Variants in KIAA1328 observed in about 807,000 individuals in gnomAD.
KIAA1328 encodes KIAA1328.
A neutral mutation model predicts 68.1 loss-of-function variants in KIAA1328; 52 were observed. The observed-to-expected ratio is 0.76, with a 90% CI of 0.61 to 0.96. The LOEUF (loss-of-function observed/expected upper bound fraction) is 0.96, where lower values mean the gene tolerates loss of function less well. Among genes scored for constraint, KIAA1328 ranks in the 40% least tolerant of loss-of-function variants. The pLI, the probability that KIAA1328 is intolerant of heterozygous loss-of-function variation, is 0.00. For synonymous variants in KIAA1328, 232 were observed against 239.4 expected, an observed-to-expected ratio of 0.97 and a Z score of 0.28; for missense variants, 641 against 677.6, an observed-to-expected ratio of 0.95 and a Z score of 0.60.
Position 36,829,207 on chromosome 18 carries a change from C to T in KIAA1328, c.58+11C>T. 1.3e-6 allele frequency: 2 copies of T among 1,515,542 alleles called. No homozygotes were observed. Among genetic ancestry groups the T allele is most frequent in the Non-Finnish European group, 8.8e-7 (1 of 1,133,770 alleles). 93.9% of individuals were successfully genotyped at this position (1,515,542 alleles called of 1,614,324 possible). A position where few individuals can be genotyped will look rare whatever the true frequency, so the allele number is the denominator to read the frequency against. ...TCTGGAGCCGGGACTGTATCCTTTG[C>T]CCGCCTGACAGGGGGCGCCGGCGCC... On this transcript the variant is annotated intron_variant, in intron 1 of 9. Transcript: ENST00000280020.
intron 5 of KIAA1328, among the ~76,000 whole-genome samples, chr18:36,915,284 A>G (rs2049643687): frequency 6.6e-6 from 1 of 152,178 alleles, no homozygotes; most frequent in Admixed American, 6.5e-5. Context: ...TGGCTTATGG[A>G]ATATTTTCTG....
chr18:37,073,957 T>G (rs553916624), intron 7 of KIAA1328, among the ~76,000 whole-genome samples: 8 of 152,340 alleles, frequency 5.3e-5, no homozygotes, highest in African/African-American at 1.9e-4. Context: ...CTGGACATTT[T>G]CAGTTTATGG....
At chr18:37,036,346 A>T (rs1194751370) in intron 6 of KIAA1328, among the ~76,000 whole-genome samples, 1 of 152,230 alleles carries the variant, frequency 6.6e-6, no homozygotes, top group South Asian at 2.1e-4. Flanking sequence ...AGACTGGACT[A>T]AGGTTTCATT....
At chr18:36,989,075 A>G (rs1213387362) in intron 6 of KIAA1328, among the ~76,000 whole-genome samples, 1 of 152,170 alleles carries the variant, frequency 6.6e-6, no homozygotes, top group Non-Finnish European at 1.5e-5. Flanking sequence ...AAAACCGAGA[A>G]TATTGCCTAT....
intron 3 of KIAA1328, among the ~76,000 whole-genome samples, chr18:36,839,150 A>G (rs2046777234): frequency 6.6e-6 from 1 of 152,152 alleles, no homozygotes; most frequent in East Asian, 1.9e-4. Context: ...TTCTCCAGAT[A>G]TTTTTGTTTC....
intron 6 of KIAA1328, among the ~76,000 whole-genome samples, chr18:37,021,130 T>C (rs1264550098): frequency 6.6e-6 from 1 of 152,196 alleles, no homozygotes; most frequent in East Asian, 1.9e-4. Flanking sequence ...TCATCTTCAT[T>C]ACAAGCTTCA....
At chr18:37,200,538 G>A (rs1032194230) in intron 9 of KIAA1328, among the ~76,000 whole-genome samples, 2 of 152,262 alleles carry the variant, frequency 1.3e-5, no homozygotes, top group African/African-American at 2.4e-5. Context: ...TCGGCCGGGC[G>A]CGGTGGCTCA....
intron 6 of KIAA1328, among the ~76,000 whole-genome samples, chr18:37,003,821 C>T (rs903938877): frequency 2.6e-5 from 4 of 152,054 alleles, no homozygotes; most frequent in African/African-American, 9.7e-5. Flanking sequence ...CCAATTATCC[C>T]AGCACCATTA....
At chr18:36,876,870 G>A (rs56360477) in intron 4 of KIAA1328, among the ~76,000 whole-genome samples, 20,736 of 151,968 alleles carry the variant, frequency 0.14, 1,758 homozygotes, top group Admixed American at 0.18. Flanking sequence ...ATTCTGGTAC[G>A]TTGTGTCATT....
chr18:37,013,837 T>A (rs2629966), intron 6 of KIAA1328, among the ~76,000 whole-genome samples: 90,652 of 152,072 alleles, frequency 0.6, 28,876 homozygotes, highest in East Asian at 0.87. Flanking sequence ...GTAGAATGAT[T>A]TATTTTCTTT....
At chr18:37,053,138 AAT>A (rs977827955) in intron 6 of KIAA1328, among the ~76,000 whole-genome samples, 37 of 152,330 alleles carry the variant, frequency 2.4e-4, no homozygotes, top group African/African-American at 7.9e-4. Context: ...CTAGTACAAA[AAT>A]AGACACACAG....
intron 4 of KIAA1328, among the ~76,000 whole-genome samples, chr18:36,857,645 C>T (rs2095716250): frequency 6.6e-6 from 1 of 152,180 alleles, no homozygotes; most frequent in South Asian, 2.1e-4. Context: ...CCCCTGGTTA[C>T]TATGAGTTTT....
At chr18:37,009,932 T>A (rs1026848701) in intron 6 of KIAA1328, among the ~76,000 whole-genome samples, 39 of 152,194 alleles carry the variant, frequency 2.6e-4, no homozygotes, top group African/African-American at 9.4e-4. Flanking sequence ...TCTGAGAGTA[T>A]TTATTCAGAA....
chr18:37,159,494 G>A (rs1019582455), intron 7 of KIAA1328, among the ~76,000 whole-genome samples: 1 of 152,160 alleles, frequency 6.6e-6, no homozygotes, highest in East Asian at 1.9e-4. Context: ...GAACAAACAC[G>A]AAGAGGGAAG....
At chr18:37,137,310 T>G (rs1254717201) in intron 7 of KIAA1328, among the ~76,000 whole-genome samples, 1 of 152,126 alleles carries the variant, frequency 6.6e-6, no homozygotes, top group East Asian at 1.9e-4. Flanking sequence ...CTCTCATTCC[T>G]TCTCTTCTGC....
intron 4 of KIAA1328, among the ~76,000 whole-genome samples, chr18:36,881,573 A>G (rs1362269230): frequency 4.6e-5 from 7 of 152,220 alleles, no homozygotes; most frequent in African/African-American, 1.7e-4. Flanking sequence ...CATCACACCA[A>G]AATGAAGCCC....
At chr18:36,876,223 A>G (rs74494570) in intron 4 of KIAA1328, among the ~76,000 whole-genome samples, 7 of 152,088 alleles carry the variant, frequency 4.6e-5, no homozygotes, top group Admixed American at 4.6e-4. Context: ...ATTGTTTGGA[A>G]TAGTTTCCAA....
At chr18:37,030,845 C>T (rs978605916) in intron 6 of KIAA1328, among the ~76,000 whole-genome samples, 1 of 152,066 alleles carries the variant, frequency 6.6e-6, no homozygotes, top group Non-Finnish European at 1.5e-5. Flanking sequence ...CCCCCACCCC[C>T]CGACAGGCCC....
chr18:36,980,806 A>G (rs1414232914), intron 6 of KIAA1328, among the ~76,000 whole-genome samples: 2 of 152,162 alleles, frequency 1.3e-5, no homozygotes, highest in Non-Finnish European at 2.9e-5. Context: ...GAGTTCTGAC[A>G]GTATTATAAG....
Sources: allele counts gnomAD v4.1 joint callset (sites outside exome capture counted in the v4.1 genomes callset), GRCh38; gene constraint gnomAD v4.1.1; transcripts MANE v1.5; gene names NCBI Gene and HGNC (gene_info 2026-07-23, HGNC 2026-07-21).